RIMS2: variants seen among roughly 807,000 people sequenced by gnomAD.
RIMS2 encodes regulating synaptic membrane exocytosis 2.
Under a neutral mutation model 174.4 loss-of-function variants are expected in RIMS2, and 59 were observed. That is an observed-to-expected ratio of 0.34 (90% CI 0.27 to 0.42). RIMS2 has a LOEUF of 0.42. RIMS2 is among the 10% of genes least tolerant of loss of function. RIMS2 has a pLI of 1.00. For synonymous variants in RIMS2, 606 were observed against 572.5 expected, an observed-to-expected ratio of 1.06 and a Z score of -0.84; for missense variants, 1,620 against 1,666.3, an observed-to-expected ratio of 0.97 and a Z score of 0.48.
At chr8:104,051,724 T>C (rs1392111432) in intron 19 of RIMS2, among the ~76,000 whole-genome samples, 1 of 152,116 alleles carries the variant, frequency 6.6e-6, no homozygotes, top group Admixed American at 6.6e-5. Context: ...TGATCATAAG[T>C]TCTGGAGAAG....
chr8:104,129,034 A>G (rs1419820570), intron 19 of RIMS2, among the ~76,000 whole-genome samples: 1 of 152,210 alleles, frequency 6.6e-6, no homozygotes, highest in Non-Finnish European at 1.5e-5. Context: ...AAAGTGGCTG[A>G]AGAATAAAGT....
intron 3 of RIMS2, among the ~76,000 whole-genome samples, chr8:103,796,191 C>T (rs2098548904): frequency 6.6e-6 from 1 of 152,052 alleles, no homozygotes; most frequent in Non-Finnish European, 1.5e-5. Context: ...TTTCCTGAAA[C>T]GTGATATTAA....
intron 16 of RIMS2, among the ~76,000 whole-genome samples, chr8:103,981,975 T>C (rs947142040): frequency 4.6e-5 from 7 of 152,124 alleles, no homozygotes; most frequent in Admixed American, 2.6e-4. Context: ...GGTTTGTTTT[T>C]TTAAAGATAA....
At chr8:103,650,795 G>A (rs1009438807) in intron 1 of RIMS2, among the ~76,000 whole-genome samples, 4 of 152,228 alleles carry the variant, frequency 2.6e-5, no homozygotes, top group African/African-American at 7.2e-5. Context: ...GAACCACAGA[G>A]ATGGTGGTCA....
At chr8:103,695,295 G>A (rs1467689117) in intron 1 of RIMS2, among the ~76,000 whole-genome samples, 3 of 152,106 alleles carry the variant, frequency 2.0e-5, no homozygotes, top group African/African-American at 7.2e-5. Flanking sequence ...TCTGCTGAGG[G>A]ACAAATGTTG....
chr8:104,148,499 C>A, intron 19 of RIMS2, 108 bp from the exon 25 acceptor site: 1 of 1,073,948 alleles, frequency 9.3e-7, no homozygotes, highest in Non-Finnish European at 1.3e-6. Flanking sequence ...AAAATATATT[C>A]CATAGATGAT....
chr8:103,757,337 A>G (rs2140011145), intron 2 of RIMS2, among the ~76,000 whole-genome samples: 1 of 152,120 alleles, frequency 6.6e-6, no homozygotes, highest in South Asian at 2.1e-4. Context: ...ATGCCATTTT[A>G]TTTCTATTTT....
chr8:103,988,582 C>T (rs927180699), intron 16 of RIMS2, among the ~76,000 whole-genome samples: 1 of 152,152 alleles, frequency 6.6e-6, no homozygotes, highest in African/African-American at 2.4e-5. Context: ...GCCTTGGCCA[C>T]CCGAGTAGCT....
intron 2 of RIMS2, among the ~76,000 whole-genome samples, chr8:103,719,721 A>G (rs1278367656): frequency 1.3e-5 from 2 of 152,190 alleles, no homozygotes; most frequent in African/African-American, 4.8e-5. Flanking sequence ...CATAGAGCAA[A>G]TAAGTAAACT....
At chr8:103,928,035 T>C in intron 11 of RIMS2, 2 of 622,588 alleles carry the variant, frequency 3.2e-6, no homozygotes, top group Middle Eastern at 5.6e-4. Flanking sequence ...TTAGCCAGCT[T>C]GTAAAATTTT....
At chr8:103,909,291 T>C (rs890517449) in intron 4 of RIMS2, among the ~76,000 whole-genome samples, 1 of 151,926 alleles carries the variant, frequency 6.6e-6, no homozygotes, top group Non-Finnish European at 1.5e-5. Flanking sequence ...TATATGTACA[T>C]ATATAGACTA....
intron 14 of RIMS2, among the ~76,000 whole-genome samples, chr8:103,953,935 A>C (rs1470876575): frequency 2.6e-5 from 4 of 152,178 alleles, no homozygotes; most frequent in Non-Finnish European, 5.9e-5. Context: ...AAAGCAAAAA[A>C]AAAGCAGGGG....
intron 16 of RIMS2, among the ~76,000 whole-genome samples, chr8:103,979,545 T>C (rs2093719594): frequency 6.6e-6 from 1 of 152,188 alleles, no homozygotes. Context: ...GGGGAATACG[T>C]GCACCATTCA....
At chr8:104,105,787 C>T (rs767249119) in intron 19 of RIMS2, among the ~76,000 whole-genome samples, 15 of 151,700 alleles carry the variant, frequency 9.9e-5, no homozygotes, top group Non-Finnish European at 1.9e-4. Context: ...ACCTGTAATC[C>T]CAGCACTTTG....
At chr8:104,148,778 T>C (rs2098665665) in intron 19 of RIMS2, 2 of 1,598,458 alleles carry the variant, frequency 1.3e-6, no homozygotes, top group Non-Finnish European at 1.7e-6. Flanking sequence ...GCTCTAGCCT[T>C]GGTGCCAAAA....
chr8:103,988,469 T>A (rs996224408), intron 16 of RIMS2, among the ~76,000 whole-genome samples: 13 of 152,168 alleles, frequency 8.5e-5, no homozygotes, highest in Admixed American at 8.5e-4. Flanking sequence ...GTAGCTTTTT[T>A]ATTTTTTGAG....
chr8:104,149,163 T>A (rs1448534208), intron 19 of RIMS2, among the ~76,000 whole-genome samples: 1 of 152,212 alleles, frequency 6.6e-6, no homozygotes, highest in Non-Finnish European at 1.5e-5. Flanking sequence ...AAATGGGGGA[T>A]ATTTGCTTTT....
At chr8:103,965,044 G>A (rs920762990) in intron 15 of RIMS2, among the ~76,000 whole-genome samples, 3 of 152,146 alleles carry the variant, frequency 2.0e-5, no homozygotes, top group Non-Finnish European at 4.4e-5. Flanking sequence ...GAGTACCACA[G>A]TGTCCTGATT....
At chr8:103,722,777 C>G (rs2097469087) in intron 2 of RIMS2, among the ~76,000 whole-genome samples, 1 of 152,148 alleles carries the variant, frequency 6.6e-6, no homozygotes, top group South Asian at 2.1e-4. Flanking sequence ...CTGGGTCTTT[C>G]CAGGGCCTTG....
Sources: gnomAD v4.1 joint callset for allele counts (sites outside exome capture counted in the v4.1 genomes callset) on GRCh38, gnomAD v4.1.1 for gene constraint, MANE v1.5 for transcripts, NCBI Gene and HGNC (gene_info 2026-07-23, HGNC 2026-07-21) for gene names.